The following SNX30 variants were observed in gnomAD, a reference collection of about 807,000 sequenced individuals.
The protein encoded by SNX30 is sorting nexin-30.
A neutral mutation model predicts 46.4 loss-of-function variants in SNX30; 24 were observed. The ratio of observed to expected loss-of-function variants is 0.52; its 90% CI spans 0.37 to 0.73. The LOEUF (loss-of-function observed/expected upper bound fraction) is 0.73. Ranked by LOEUF, SNX30 falls within the 30% of genes least tolerant of loss-of-function variation. SNX30 has a pLI of 0.00. For missense variants in SNX30, 533 were observed against 555.7 expected (o/e 0.96, Z 0.41); for synonymous variants, 189 against 211.5 (o/e 0.89, Z 0.92).
chr9:112,866,658 C>T (rs1285315939), intron 8 of SNX30: 1 of 416,304 alleles, frequency 2.4e-6, no homozygotes, highest in Non-Finnish European at 4.9e-6. Flanking sequence ...CTGGCTTGAC[C>T]TAGGATGCCT....
chr9:112,857,814 A>G (rs1028641786), intron 7 of SNX30, among the ~76,000 whole-genome samples: 2 of 151,914 alleles, frequency 1.3e-5, no homozygotes, highest in Non-Finnish European at 2.9e-5. Flanking sequence ...CCATCCATCT[A>G]TCTATTTATT....
At chr9:112,810,828 G>A (rs1218615355) in intron 2 of SNX30, among the ~76,000 whole-genome samples, 4 of 152,138 alleles carry the variant, frequency 2.6e-5, no homozygotes, top group Non-Finnish European at 5.9e-5. Flanking sequence ...GAGAGATACA[G>A]GATGTATGTC....
intron 7 of SNX30, among the ~76,000 whole-genome samples, chr9:112,853,629 A>G (rs1841069162): frequency 6.6e-6 from 1 of 152,276 alleles, no homozygotes. Context: ...GAAAACAAAT[A>G]ACTGCATGAT....
At chr9:112,805,529 T>A (rs1402780467) in intron 2 of SNX30, among the ~76,000 whole-genome samples, 1 of 152,174 alleles carries the variant, frequency 6.6e-6, no homozygotes, top group African/African-American at 2.4e-5. Context: ...AGTGCAGTGG[T>A]GTGATCTCAG....
intron 1 of SNX30, among the ~76,000 whole-genome samples, chr9:112,770,651 A>G (rs1331201546): frequency 6.6e-6 from 1 of 151,764 alleles, no homozygotes; most frequent in Non-Finnish European, 1.5e-5. Context: ...GACAGCCTGC[A>G]GGCTTGTTCA....
intron 3 of SNX30, among the ~76,000 whole-genome samples, chr9:112,822,652 G>T (rs1372540324): frequency 6.7e-6 from 1 of 149,808 alleles, no homozygotes; most frequent in African/African-American, 2.5e-5. Flanking sequence ...ACACCATACA[G>T]TCATTCCCCC....
chr9:112,837,329 A>G (rs1301057993), intron 5 of SNX30, among the ~76,000 whole-genome samples: 1 of 152,006 alleles, frequency 6.6e-6, no homozygotes, highest in Non-Finnish European at 1.5e-5. Context: ...GATCTTGCAG[A>G]GTAAATTCTG....
chr9:112,836,303 G>A lies in SNX30; in HGVS notation c.708G>A (p.Arg236=), dbSNP rs1286164807. The change falls in exon 5 of 9, where the codon AGG becomes AGA. Residue 236 remains arginine (R), a synonymous_variant. Transcript: ENST00000374232. ...ACGTCACTGGCGGCTACAAGCTGAG[G>A]ACTCGGCCGCTTGAGTTTGCTGCCA... ...VKHVTGGYKL[R]TRPLEFAAIG... is the part of the protein sequence containing the mutation. The A allele has an allele frequency of 6.2e-6, 10 of 1,613,600 alleles. No individual in the cohort carries two copies. Among genetic ancestry groups the A allele is most frequent in the Middle Eastern group, 1.6e-4 (1 of 6,062 alleles).
intron 4 of SNX30, 70 bp from the exon 5 acceptor site, chr9:112,836,143 GA>G (rs1840747160): frequency 7.2e-7 from 1 of 1,391,490 alleles, no homozygotes; most frequent in Non-Finnish European, 9.7e-7. Context: ...GCTGCTTTTA[GA>G]AGCTGTTTTA....
intron 1 of SNX30, among the ~76,000 whole-genome samples, chr9:112,761,665 A>AC: frequency 6.6e-6 from 1 of 152,162 alleles, no homozygotes; most frequent in Non-Finnish European, 1.5e-5. Context: ...TTGATGCTGA[A>AC]CAGTGGTGCC....
At position 112,861,387 on chromosome 9, in the gene SNX30, A is replaced by T. The variant is rs534959058; in HGVS notation, c.1102-2860A>T. On this transcript the variant is annotated intron_variant, in intron 7 of 8. Transcript: ENST00000374232. ...GGACGCTGTAAAGCACTTAACACAT[A>T]TTAGCCTGTCTGGCCTCATGACAGC... Among the ~76,000 whole-genome samples the T allele has an allele frequency of 2.6e-4, 39 of 152,288 alleles. No homozygotes were observed. The Middle Eastern group carries it at 0.01, about 40-fold the overall frequency.
At chr9:112,845,716 C>T (rs1188453540) in intron 6 of SNX30, among the ~76,000 whole-genome samples, 2 of 152,180 alleles carry the variant, frequency 1.3e-5, no homozygotes, top group African/African-American at 4.8e-5. Context: ...CTGATATTGG[C>T]TGGCGATGGA....
intron 1 of SNX30, among the ~76,000 whole-genome samples, chr9:112,785,310 G>A (rs1839904789): frequency 6.6e-6 from 1 of 151,886 alleles, no homozygotes; most frequent in Non-Finnish European, 1.5e-5. Flanking sequence ...CGACCTCCTG[G>A]GCTTAAGCGA....
intron 1 of SNX30, among the ~76,000 whole-genome samples, chr9:112,756,136 A>G (rs1185644920): frequency 1.3e-5 from 2 of 152,234 alleles, no homozygotes; most frequent in South Asian, 2.1e-4. Context: ...TAAGATACAG[A>G]ATATTACAAA....
At chr9:112,776,710 A>AG (rs532830159) in intron 1 of SNX30, among the ~76,000 whole-genome samples, 227 of 152,284 alleles carry the variant, frequency 1.5e-3, no homozygotes, top group Non-Finnish European at 2.5e-3. Context: ...GGCTGTGGTG[A>AG]GTGGATAGGG....
rs565084450 is a variant in SNX30, at chr9:112,870,851, G to C, written c.*2008G>C. ...GGGAACATAGGAAGCTTTACCTTGGGGAAGGTATGCTTTACAAATGTCCAG... is the reference window on the plus strand; with the variant it reads ...GGGAACATAGGAAGCTTTACCTTGGCGAAGGTATGCTTTACAAATGTCCAG... On this transcript the variant is annotated 3_prime_UTR_variant, in exon 9 of 9. Coordinates refer to ENST00000374232, the MANE Select transcript of SNX30 (RefSeq NM_001012994.2). 10 of 152,342 alleles carry C rather than the reference G, an allele frequency of 6.6e-5. No homozygotes were observed. Among genetic ancestry groups the C allele is most frequent in the Non-Finnish European group, 1.2e-4 (8 of 68,038 alleles). 9.4% of individuals were successfully genotyped at this position (152,342 alleles called of 1,614,324 possible). A position where few individuals can be genotyped will look rare whatever the true frequency, so the allele number is the denominator to read the frequency against.
intron 7 of SNX30, among the ~76,000 whole-genome samples, chr9:112,859,078 C>T (rs1219048985): frequency 2.0e-5 from 3 of 152,116 alleles, no homozygotes; most frequent in African/African-American, 7.2e-5. Flanking sequence ...ACCCATTAAA[C>T]AACTCTCCAT....
At chr9:112,797,106 G>T (rs998543415) in intron 1 of SNX30, among the ~76,000 whole-genome samples, 1 of 152,178 alleles carries the variant, frequency 6.6e-6, no homozygotes, top group South Asian at 2.1e-4. Context: ...CACATCTGCT[G>T]CTAGGCAGGG....
At chr9:112,850,813 C>A (rs1263570246) in intron 6 of SNX30, 46 bp from the exon 7 acceptor site, 2 of 1,485,498 alleles carry the variant, frequency 1.3e-6, no homozygotes, top group South Asian at 1.2e-5. Context: ...TGGGAGGCCC[C>A]TTTGTGGACT....
Sources: gnomAD v4.1 joint callset for allele counts (sites outside exome capture counted in the v4.1 genomes callset) on GRCh38, gnomAD v4.1.1 for gene constraint, MANE v1.5 for transcripts, NCBI Gene and HGNC (gene_info 2026-07-23, HGNC 2026-07-21) for gene names.